Variants in COL4A4 observed in about 807,000 individuals in gnomAD.
The protein encoded by COL4A4 is collagen type IV alpha 4 chain, also known as collagen alpha-4(IV) chain.
A neutral mutation model predicts 192.9 loss-of-function variants in COL4A4; 105 were observed. That is an observed-to-expected ratio of 0.54 (90% CI 0.46 to 0.64). The LOEUF (loss-of-function observed/expected upper bound fraction) is 0.64. COL4A4 is among the 30% of genes least tolerant of loss of function. The probability of loss-of-function intolerance (pLI) is 0.00; values close to 1 mark genes in which losing one functional copy is unlikely to be tolerated. For synonymous variants in COL4A4, 762 were observed against 769.9 expected, an observed-to-expected ratio of 0.99 and a Z score of 0.17; for missense variants, 1,967 against 2,169.3, an observed-to-expected ratio of 0.91 and a Z score of 1.85.
chr2:227,099,541 C>T, intron 18 of COL4A4, 79 bp downstream of exon 18: 1 of 1,302,814 alleles, frequency 7.7e-7, no homozygotes, highest in East Asian at 2.3e-5. Flanking sequence ...TATGGAAATA[C>T]TGGGCCAGAC....
chr2:227,060,291 A>T, intron 26 of COL4A4, 48 bp from the exon 27 acceptor site: 2 of 1,229,274 alleles, frequency 1.6e-6, no homozygotes, highest in Non-Finnish European at 2.4e-6. Flanking sequence ...ACAAAATCTA[A>T]TGTGAACAAA....
chr2:227,077,772 A>G, intron 25 of COL4A4, 122 bp downstream of exon 25: 1 of 867,818 alleles, frequency 1.2e-6, no homozygotes, highest in South Asian at 1.7e-5. Context: ...TAAAATGTAC[A>G]CTACTCGGGT....
chr2:227,106,048 A>AG (rs2060821034), intron 12 of COL4A4, among the ~76,000 whole-genome samples: 1 of 16,832 alleles, frequency 5.9e-5, no homozygotes, highest in Admixed American at 4.2e-4. Flanking sequence ...GTTTAAATAG[A>AG]AAAAAAAAAA....
At chr2:227,097,061 G>A (rs1280487907) in intron 19 of COL4A4, among the ~76,000 whole-genome samples, 1 of 152,050 alleles carries the variant, frequency 6.6e-6, no homozygotes, top group Non-Finnish European at 1.5e-5. Context: ...TGTGGATTTG[G>A]CTGCCATCTT....
At chr2:227,008,354 GT>G (rs1257714045) in intron 46 of COL4A4, 50 bp from the exon 47 acceptor site, 2 of 1,591,046 alleles carry the variant, frequency 1.3e-6, no homozygotes, top group African/African-American at 2.7e-5. Flanking sequence ...CCATGTAGGT[GT>G]TCCCAGACCC....
intron 37 of COL4A4, among the ~76,000 whole-genome samples, chr2:227,041,916 A>AAG (rs773244635): frequency 2.4e-4 from 36 of 150,854 alleles, no homozygotes; most frequent in Non-Finnish European, 4.0e-4. Context: ...GAAAGAAAGA[A>AAG]AGAAAGAAAA....
intron 22 of COL4A4, among the ~76,000 whole-genome samples, chr2:227,083,859 G>A (rs113852830): frequency 7.9e-5 from 12 of 152,186 alleles, no homozygotes; most frequent in African/African-American, 2.9e-4. Context: ...GAGGGTACCA[G>A]TGGAGATGGG....
At chr2:227,145,371 C>T (rs562640836) in intron 2 of COL4A4, among the ~76,000 whole-genome samples, 2 of 152,246 alleles carry the variant, frequency 1.3e-5, no homozygotes, top group South Asian at 2.1e-4. Flanking sequence ...CACTTGAACC[C>T]GGAAGGCAGA....
In COL4A4 at chr2:227,003,129, A is replaced by C. The variant is rs1368171770; in HGVS notation, c.*4196T>G. 1 of 152,304 alleles carries C rather than the reference A, an allele frequency of 6.6e-6. No homozygotes were observed. The highest frequency in any genetic ancestry group is 1.5e-5 in the Non-Finnish European group (1 of 68,052). 9.4% of individuals were successfully genotyped at this position (152,304 alleles called of 1,614,324 possible). ...TGCTACAGTAACTTTGAGGATTGAA[A>C]TGAAACAGCATTCCCAATGACATTA... On this transcript the variant is annotated 3_prime_UTR_variant, in exon 48 of 48. Transcript: ENST00000396625.
At chr2:227,041,910 GAAA>G (rs1559479370) in intron 37 of COL4A4, among the ~76,000 whole-genome samples, 24 of 151,040 alleles carry the variant, frequency 1.6e-4, no homozygotes, top group African/African-American at 5.9e-4. Flanking sequence ...AAGAAAGAAA[GAAA>G]GAAAGAAAGA....
intron 22 of COL4A4, among the ~76,000 whole-genome samples, chr2:227,086,601 C>T (rs574957944): frequency 6.6e-6 from 1 of 152,148 alleles, no homozygotes; most frequent in African/African-American, 2.4e-5. Context: ...ACCAGATACA[C>T]AATCAGAAAC....
the COL4A4 span, among the ~76,000 whole-genome samples, chr2:226,981,219 G>T: frequency 1.3e-5 from 2 of 152,176 alleles, no homozygotes; most frequent in African/African-American, 4.8e-5. Flanking sequence ...GCCTGTCATG[G>T]GGTGAGGGAT....
intron 1 of COL4A4, among the ~76,000 whole-genome samples, chr2:227,155,706 C>T (rs185456338): frequency 4.1e-4 from 62 of 152,178 alleles, no homozygotes; most frequent in South Asian, 1.0e-3. Flanking sequence ...CATTTGCCTT[C>T]GATGACTTCT....
Position 227,041,785 on chromosome 2 carries a change from AG to A in COL4A4, c.3505+362del, listed in dbSNP as rs1491148927. On this transcript the variant is annotated intron_variant, in intron 37 of 47. Coordinates refer to ENST00000396625, the MANE Select transcript of COL4A4 (RefSeq NM_000092.5). ...AAGGAAGGAAGGAAGGAAGGAAGGA[AG>A]GGAAAGAAAGAAAGAAAGGAAGAAA... Among the ~76,000 whole-genome samples, 250 of 66,386 alleles carry A rather than the reference AG, an allele frequency of 3.8e-3. 16 individuals carry two copies. Among genetic ancestry groups the A allele is most frequent in the East Asian group, 0.028 (32 of 1,144 alleles). The allele number at this position is 66,386 out of a possible 152,430, so 43.6% of individuals were successfully genotyped here.
downstream of COL4A4, among the ~76,000 whole-genome samples, chr2:227,002,039 C>G (rs1273895388): frequency 6.6e-6 from 1 of 151,830 alleles, no homozygotes; most frequent in Non-Finnish European, 1.5e-5. Flanking sequence ...GGCACAGTAG[C>G]ACATGCTTGT....
At chr2:227,141,020 A>G (rs1049091177) in intron 3 of COL4A4, among the ~76,000 whole-genome samples, 1 of 152,120 alleles carries the variant, frequency 6.6e-6, no homozygotes, top group Non-Finnish European at 1.5e-5. Flanking sequence ...CCAGAGTACT[A>G]TTTCCATAGG....
Position 227,108,765 on chromosome 2 carries a change from C to T in COL4A4, c.693+68G>A, listed in dbSNP as rs2061003264. The stretch of plus-strand genomic sequence containing the variant: ...GATAAGAGGAAAGCCATCATTCTGA[C>T]AAATATCAGTGGTCAACCATTTCAT... On this transcript the variant is annotated intron_variant, in intron 11 of 47. Coordinates refer to ENST00000396625, the MANE Select transcript of COL4A4 (RefSeq NM_000092.5). 8 of 1,545,330 alleles carry T rather than the reference C, an allele frequency of 5.2e-6. No homozygotes were observed. The South Asian group carries it at 9.0e-5, about 17-fold the overall frequency.
At chr2:227,038,707 T>C (rs1187741904) in intron 37 of COL4A4, among the ~76,000 whole-genome samples, 1 of 152,256 alleles carries the variant, frequency 6.6e-6, no homozygotes, top group African/African-American at 2.4e-5. Context: ...TGGCCTGTTC[T>C]AGCAGAGCAA....
chr2:227,137,614 G>A (rs2062905450), intron 4 of COL4A4, among the ~76,000 whole-genome samples: 1 of 152,334 alleles, frequency 6.6e-6, no homozygotes, highest in African/African-American at 2.4e-5. Flanking sequence ...TGCATTGTAA[G>A]ATGTTGAACA....
Sources: gnomAD v4.1 joint callset for allele counts (sites outside exome capture counted in the v4.1 genomes callset) on GRCh38, gnomAD v4.1.1 for gene constraint, MANE v1.5 for transcripts, NCBI Gene and HGNC (gene_info 2026-07-23, HGNC 2026-07-21) for gene names.